Variants in C2CD5 observed in about 807,000 individuals in gnomAD.
C2CD5 encodes C2 domain-containing protein 5.
C2CD5 carries 109 observed loss-of-function variants against 130.3 expected under a neutral mutation model. The ratio of observed to expected loss-of-function variants is 0.84; its 90% CI spans 0.72 to 0.98. The LOEUF is 0.98. C2CD5 is among the 50% of genes least tolerant of loss of function. The pLI is 0.00. For synonymous variants in C2CD5, 454 were observed against 429.2 expected, an observed-to-expected ratio of 1.06 and a Z score of -0.71; for missense variants, 996 against 1,261.8, an observed-to-expected ratio of 0.79 and a Z score of 3.19.
chr12:22,454,547 A>T (rs2135966952), intron 25 of C2CD5, among the ~76,000 whole-genome samples: 1 of 149,484 alleles, frequency 6.7e-6, no homozygotes, highest in East Asian at 1.9e-4. Flanking sequence ...TCACTGGCAC[A>T]TGTTGCTCCT....
At chr12:22,522,765 A>G (rs1256566712) in intron 7 of C2CD5, among the ~76,000 whole-genome samples, 2 of 152,228 alleles carry the variant, frequency 1.3e-5, no homozygotes, top group Non-Finnish European at 2.9e-5. Context: ...GTGGCCATTA[A>G]TAAGTATAAT....
At chr12:22,478,971 C>T (rs943394866) in intron 14 of C2CD5, among the ~76,000 whole-genome samples, 2 of 152,054 alleles carry the variant, frequency 1.3e-5, no homozygotes, top group Non-Finnish European at 2.9e-5. Context: ...TGGTAATAAG[C>T]GTTGGTTTCT....
At chr12:22,519,902 T>A (rs954351099) in intron 7 of C2CD5, among the ~76,000 whole-genome samples, 1 of 152,088 alleles carries the variant, frequency 6.6e-6, no homozygotes, top group Non-Finnish European at 1.5e-5. Context: ...TAAAGACATC[T>A]TCATAAAACA....
At chr12:22,473,229 TA>T (rs1384316575) in intron 16 of C2CD5, among the ~76,000 whole-genome samples, 1 of 152,168 alleles carries the variant, frequency 6.6e-6, no homozygotes, top group African/African-American at 2.4e-5. Flanking sequence ...ATTTTTTTAA[TA>T]AAATAAATAG....
chr12:22,481,139 C>T (rs543720839), intron 14 of C2CD5, among the ~76,000 whole-genome samples: 83 of 152,188 alleles, frequency 5.5e-4, no homozygotes, highest in African/African-American at 1.5e-3. Context: ...ACCAAGTTAC[C>T]TAATTATTAC....
chr12:22,510,104 C>T (rs932048648), intron 9 of C2CD5, among the ~76,000 whole-genome samples: 13 of 152,038 alleles, frequency 8.6e-5, no homozygotes, highest in Non-Finnish European at 1.6e-4. Flanking sequence ...ACTCAGGAGG[C>T]TGAGGCAGGA....
At chr12:22,474,558 CAG>C (rs1433404355) in intron 16 of C2CD5, among the ~76,000 whole-genome samples, 191 bp downstream of exon 16, 1 of 152,116 alleles carries the variant, frequency 6.6e-6, no homozygotes, top group Non-Finnish European at 1.5e-5. Context: ...ATTATTGTAT[CAG>C]TGACCTGGTA....
intron 22 of C2CD5, among the ~76,000 whole-genome samples, chr12:22,465,795 C>CA (rs1271827881): frequency 6.6e-6 from 1 of 152,014 alleles, no homozygotes; most frequent in East Asian, 1.9e-4. Context: ...TCATTTTTCT[C>CA]ATAACACACT....
chr12:22,497,919 C>CAT (rs1441967578), intron 10 of C2CD5, among the ~76,000 whole-genome samples: 2 of 122,000 alleles, frequency 1.6e-5, no homozygotes, highest in African/African-American at 4.1e-5. Context: ...CACACACACA[C>CAT]ACACACACAC....
chr12:22,514,120 A>C (rs961792143), intron 8 of C2CD5, among the ~76,000 whole-genome samples: 2 of 152,062 alleles, frequency 1.3e-5, no homozygotes, highest in Non-Finnish European at 2.9e-5. Flanking sequence ...TATTGTTCTG[A>C]CCATGCCAGT....
intron 3 of C2CD5, among the ~76,000 whole-genome samples, chr12:22,530,755 CCACT>C (rs1025799701): frequency 1.1e-4 from 16 of 152,028 alleles, no homozygotes; most frequent in Admixed American, 9.2e-4. Context: ...CTGCACCCAG[CCACT>C]AACTTAAGAA....
chr12:22,536,043 C>G (rs2137249241), intron 2 of C2CD5, among the ~76,000 whole-genome samples: 1 of 151,520 alleles, frequency 6.6e-6, no homozygotes, highest in Non-Finnish European at 1.5e-5. Flanking sequence ...TAAAGCAACA[C>G]AATGTAGCAC....
chr12:22,449,349 T>C lies in C2CD5; in HGVS notation c.*411A>G, dbSNP rs1464987854. 6.5e-6 allele frequency: 1 copy of C among 154,072 alleles called. No homozygotes were observed. The highest frequency in any genetic ancestry group is 2.4e-5 in the African/African-American group (1 of 41,524). The allele number at this position is 154,072 out of a possible 1,614,324, so 9.5% of individuals were successfully genotyped here. On this transcript the variant is annotated 3_prime_UTR_variant, in exon 27 of 27. Transcript: ENST00000446597. ...TTTCTCCATTGTCCCCACACATTTC[T>C]CAAATCAGAGTGCTTACTCACTAGC...
In C2CD5 at chr12:22,527,824, T is replaced by G. The variant is rs1474034651; in HGVS notation, c.246A>C (p.Ala82=). 1 of 1,611,364 alleles carries G rather than the reference T, an allele frequency of 6.2e-7. No individual in the cohort carries two copies. Among genetic ancestry groups the G allele is most frequent in the African/African-American group, 1.3e-5 (1 of 74,978 alleles). The change falls in exon 4 of 27, where the codon GCA becomes GCC. Residue 82 remains alanine (A), a synonymous_variant. Transcript: ENST00000446597. Reference sequence around the variant, plus strand: ...TGTACACTTTACCAATGGCATCATTTGCACTGTAAGTATCATGGTCAAGAA... The same window carrying G: ...TGTACACTTTACCAATGGCATCATTGGCACTGTAAGTATCATGGTCAAGAA... ...ITVLDHDTYS[A]NDAIGKVYID...
Position 22,449,962 on chromosome 12 carries a change from C to CAGTG in C2CD5, c.3025-75_3025-72dup, listed in dbSNP as rs1187676239. On this transcript the variant is annotated intron_variant, in intron 26 of 26. Coordinates refer to ENST00000446597, the MANE Select transcript of C2CD5 (RefSeq NM_001286176.2). ...TCATACTCTTCTGTTACATAAGGGGCAGTGCTGTACAGCCAAAAAACACAG... is the reference window on the plus strand; with the variant it reads ...TCATACTCTTCTGTTACATAAGGGGCAGTGAGTGCTGTACAGCCAAAAAACACAG... 4 of 1,210,636 alleles carry CAGTG rather than the reference C, an allele frequency of 3.3e-6. No individual in the cohort carries two copies. In the African/African-American group the frequency reaches 6.0e-5, roughly 18 times the overall value. 75.0% of individuals were successfully genotyped at this position (1,210,636 alleles called of 1,614,324 possible).
chr12:22,475,508 G>C (rs1422702983), intron 15 of C2CD5, among the ~76,000 whole-genome samples: 1 of 152,072 alleles, frequency 6.6e-6, no homozygotes, highest in Non-Finnish European at 1.5e-5. Context: ...CTGTTACATA[G>C]CCAAAGATCA....
intron 7 of C2CD5, among the ~76,000 whole-genome samples, chr12:22,518,389 G>C (rs919734685): frequency 6.6e-6 from 1 of 151,738 alleles, no homozygotes. Flanking sequence ...ACAGACTAAG[G>C]GGATAAAAAA....
chr12:22,530,646 G>A (rs769450764), intron 3 of C2CD5, among the ~76,000 whole-genome samples: 8 of 151,672 alleles, frequency 5.3e-5, no homozygotes, highest in African/African-American at 7.3e-5. Context: ...TAGTAGAGAC[G>A]GGGTTTCACT....
At chr12:22,543,591 A>AGGGTGTGTGTGTGCCTGT (rs1411848644) in intron 2 of C2CD5, among the ~76,000 whole-genome samples, 2 of 152,134 alleles carry the variant, frequency 1.3e-5, no homozygotes, top group Non-Finnish European at 2.9e-5. Context: ...ACCCCTTCCA[A>AGGGTGTGTGTGTGCCTGT]GGGTGTGTGT....
Sources: allele counts gnomAD v4.1 joint callset (sites outside exome capture counted in the v4.1 genomes callset), GRCh38; gene constraint gnomAD v4.1.1; transcripts MANE v1.5; gene names NCBI Gene and HGNC (gene_info 2026-07-23, HGNC 2026-07-21).